The following TTC21A variants were observed in gnomAD, a reference collection of about 807,000 sequenced individuals.
TTC21A encodes the protein tetratricopeptide repeat domain 21A, also known as tetratricopeptide repeat protein 21A.
In TTC21A, 128 loss-of-function variants were observed where a neutral mutation model predicts 156.4. That is an observed-to-expected ratio of 0.82 (90% confidence interval 0.71 to 0.95). TTC21A has a LOEUF of 0.95. Ranked by LOEUF, TTC21A falls within the 40% of genes least tolerant of loss-of-function variation. The pLI, the probability that TTC21A is intolerant of heterozygous loss-of-function variation, is 0.00. For synonymous variants in TTC21A, 587 were observed against 617.1 expected (o/e 0.95, Z 0.72); for missense variants, 1,435 against 1,602.3 (o/e 0.90, Z 1.78).
rs2125880331 is a variant in TTC21A, at chr3:39,138,863, G to A, written c.*75G>A. 8.3e-7 allele frequency: 1 copy of A among 1,211,352 alleles called. No individual in the cohort carries two copies. Among genetic ancestry groups the A allele is most frequent in the East Asian group, 2.4e-5 (1 of 41,666 alleles). The allele number at this position is 1,211,352 out of a possible 1,614,324, so 75.0% of individuals were successfully genotyped here. A position where few individuals can be genotyped will look rare whatever the true frequency, so the allele number is the denominator to read the frequency against. On this transcript the variant is annotated 3_prime_UTR_variant, in exon 29 of 29. Coordinates refer to ENST00000683103, the MANE Select transcript of TTC21A (RefSeq NM_001366900.1). ...GTGTGGAGGGATGGAAAGTGGGTCA[G>A]TGGAGAAGGGATTCAGAAAATGACA... is the stretch of plus-strand genomic sequence containing the variant.
At chr3:39,108,191 T>C (rs2036410637) in intron 1 of TTC21A, 2 of 544,912 alleles carry the variant, frequency 3.7e-6, no homozygotes, top group African/African-American at 1.9e-5. Context: ...CTTCACCATT[T>C]AATCTCCTAG....
In TTC21A at chr3:39,130,158, G is replaced by T; in HGVS notation, c.2208+7G>T. ...CTTAATGAGCATTCTGGAGGTAAGT[G>T]AGAGGCCTCACAGCCTTGCCAAGTG... is the stretch of plus-strand genomic sequence containing the variant. On this transcript the variant is annotated splice_region_variant and intron_variant, in intron 16 of 28. Coordinates refer to ENST00000683103, the MANE Select transcript of TTC21A (RefSeq NM_001366900.1). The surrounding 1 kb of genome is among the most constrained non-coding windows in gnomAD (Gnocchi z 4.5). 1.9e-6 allele frequency: 3 copies of T among 1,613,794 alleles called. No individual in the cohort carries two copies. The East Asian group carries it at 6.7e-5, about 36-fold the overall frequency.
chr3:39,130,734 A>C lies in TTC21A; in HGVS notation c.2353A>C (p.Asn785His), dbSNP rs2038665109. Residue 785 changes from asparagine to histidine, a missense_variant, in exon 18 of 29, where the codon AAT (asparagine) becomes CAT (histidine). Physicochemically the swap from Asn to His is moderately conservative, Grantham distance 68. Transcript: ENST00000683103. The surrounding 1 kb of genome is among the most constrained non-coding windows in gnomAD (Gnocchi z 4.5). ...GTATTATGAGGCTGCCCAGAAGATT[A>C]ATGGACAGGACTTTCTGTGCTGCGA... Reference protein sequence around the residue: ...IEYYEAAQKINGQDFLCCDLG... With the variant: ...IEYYEAAQKIHGQDFLCCDLG... 2 of 1,614,222 alleles carry C rather than the reference A, an allele frequency of 1.2e-6. No homozygotes were observed. The highest frequency in any genetic ancestry group is 1.7e-6 in the Non-Finnish European group (2 of 1,180,038).
chr3:39,126,233 T>C (rs763345389), intron 11 of TTC21A, 28 bp from the exon 12 acceptor site: 4 of 1,613,570 alleles, frequency 2.5e-6, no homozygotes, highest in Non-Finnish European at 3.4e-6. Context: ...GCAAACCTAC[T>C]CCCACCTCCA....
rs1049526549 is a variant in TTC21A at position 39,126,321 on chromosome 3, C to T, written c.1453C>T (p.Pro485Ser). 24 of 1,613,986 alleles carry T rather than the reference C, an allele frequency of 1.5e-5. No homozygotes were observed. The highest frequency in any genetic ancestry group is 2.0e-5 in the Non-Finnish European group (24 of 1,180,020). Reference sequence around the variant, plus strand: ...TAAACAAGTCGCCGTGATCTTGAATCCTGTAGTCAAAGCAGCACCAGCTCT... The same window carrying T: ...TAAACAAGTCGCCGTGATCTTGAATTCTGTAGTCAAAGCAGCACCAGCTCT... The part of the protein sequence containing the change: ...LLKQVAVILN[P>S]VVKAAPALID... The change falls in exon 12 of 29, where the codon CCT becomes TCT. Residue 485 changes from proline to serine, a missense_variant. Physicochemically the swap from Pro to Ser is moderately conservative, Grantham distance 74 (BLOSUM62 -1). Coordinates refer to ENST00000683103, the MANE Select transcript of TTC21A (RefSeq NM_001366900.1).
Position 39,107,880 on chromosome 3 carries a change from G to A in TTC21A, c.27+16G>A, listed in dbSNP as rs767016164. On this transcript the variant is annotated intron_variant, in intron 1 of 28. Transcript: ENST00000683103. ...CTCCCTTATGGTGCGTGGCCCGGGC[G>A]CTGTCCGAGGGCTCCCTCGTGACTC... The A allele has an allele frequency of 6.2e-7, 1 of 1,612,070 alleles. No individual in the cohort carries two copies. Among genetic ancestry groups the A allele is most frequent in the Non-Finnish European group, 8.5e-7 (1 of 1,179,846 alleles).
chr3:39,115,660 C>A (rs566728819), intron 6 of TTC21A, among the ~76,000 whole-genome samples: 1 of 151,976 alleles, frequency 6.6e-6, no homozygotes, highest in African/African-American at 2.4e-5. Context: ...GAATGAGACC[C>A]TGTCTCGAAA....
At position 39,137,596 on chromosome 3, in the gene TTC21A, G is replaced by C. The variant is rs2039229513; in HGVS notation, c.3561G>C (p.Leu1187=). ...GCCTGGCCAAGACCCCCTGGGTGCT[G>C]AGTGAGGCTGAGGACCTGGAGAAGA... The part of the protein sequence containing the change: ...LKRLAKTPWV[L]SEAEDLEKSW... Residue 1187 remains leucine (L), a synonymous_variant, in exon 26 of 29, where the codon CTG becomes CTC. Coordinates refer to ENST00000683103, the MANE Select transcript of TTC21A (RefSeq NM_001366900.1). The C allele has an allele frequency of 2.5e-6, 4 of 1,614,254 alleles. No individual in the cohort carries two copies. Among genetic ancestry groups the C allele is most frequent in the Non-Finnish European group, 3.4e-6 (4 of 1,180,042 alleles).
At chr3:39,122,077 G>C (rs944607425) in intron 9 of TTC21A, among the ~76,000 whole-genome samples, 8 of 152,210 alleles carry the variant, frequency 5.3e-5, no homozygotes, top group Non-Finnish European at 1.0e-4. Flanking sequence ...GGGAGGCTGA[G>C]GTGGGCAGGT....
In TTC21A at chr3:39,121,190, G is replaced by T. The variant is rs769156838; in HGVS notation, c.1093+1G>T. The T allele has an allele frequency of 1.2e-6, 2 of 1,610,238 alleles. No individual in the cohort carries two copies. The highest frequency in any genetic ancestry group is 1.1e-5 in the South Asian group (1 of 90,584). ...AAGGATGGCATGGCTGGTTTGACAG[G>T]TATATGCAGGTGTGGCAGGGCTCAG... On this transcript the variant is annotated splice_donor_variant, in intron 9 of 28. Transcript: ENST00000683103. LOFTEE classifies it high-confidence loss of function.
Position 39,135,536 on chromosome 3 carries a change from C to A in TTC21A, c.2944+362C>A, listed in dbSNP as rs567491555. Among the ~76,000 whole-genome samples the A allele has an allele frequency of 3.3e-5, 5 of 152,318 alleles. No individual in the cohort carries two copies. In the South Asian group the frequency reaches 6.2e-4, roughly 19 times the overall value. Reference sequence around the variant, plus strand: ...CCCATTCACTGCAGCGTAAAACCACCCCTTATTGCTGGGGAAAGGGGCCAG... The same window carrying A: ...CCCATTCACTGCAGCGTAAAACCACACCTTATTGCTGGGGAAAGGGGCCAG... On this transcript the variant is annotated intron_variant, in intron 22 of 28. Transcript: ENST00000683103.
At chr3:39,133,934 G>A (rs1229892221) in intron 20 of TTC21A, among the ~76,000 whole-genome samples, 3 of 152,206 alleles carry the variant, frequency 2.0e-5, no homozygotes, top group African/African-American at 7.2e-5. Flanking sequence ...CTGCCCCAGA[G>A]TCTGGGGCAC....
chr3:39,133,032 G>C lies in TTC21A; in HGVS notation c.2563-20G>C, dbSNP rs781198522. ...TGTCAGGCTCTGAGTTTCTGATCCTGGCTTGATTGGTTTCTCGAGGCCTTG... is the reference window on the plus strand; with the variant it reads ...TGTCAGGCTCTGAGTTTCTGATCCTCGCTTGATTGGTTTCTCGAGGCCTTG... On this transcript the variant is annotated intron_variant, in intron 19 of 28. Coordinates refer to ENST00000683103, the MANE Select transcript of TTC21A (RefSeq NM_001366900.1). 2 of 1,613,500 alleles carry C rather than the reference G, an allele frequency of 1.2e-6. No homozygotes were observed. Among genetic ancestry groups the C allele is most frequent in the South Asian group, 1.1e-5 (1 of 91,022 alleles).
intron 4 of TTC21A, among the ~76,000 whole-genome samples, chr3:39,111,695 C>T (rs909373469): frequency 1.3e-5 from 2 of 152,140 alleles, no homozygotes; most frequent in Admixed American, 1.3e-4. Context: ...GATATATATA[C>T]AGTACACAAT....
chr3:39,129,104 C>T lies in TTC21A; in HGVS notation c.1929C>T (p.Ile643=). ...CCACCAAGGTCATGCAGGACACCATCAATGAGTTCGGTGGCACACCAGAAG... is the reference window on the plus strand; with the variant it reads ...CCACCAAGGTCATGCAGGACACCATTAATGAGTTCGGTGGCACACCAGAAG... ...HEATKVMQDT[I]NEFGGTPEEN... Residue 643 remains isoleucine, a synonymous_variant, in exon 15 of 29, where the codon ATC becomes ATT. Coordinates refer to ENST00000683103, the MANE Select transcript of TTC21A (RefSeq NM_001366900.1). 6.2e-7 allele frequency: 1 copy of T among 1,614,256 alleles called. No individual in the cohort carries two copies. Among genetic ancestry groups the T allele is most frequent in the Non-Finnish European group, 8.5e-7 (1 of 1,180,050 alleles).
intron 3 of TTC21A, 174 bp downstream of exon 3, chr3:39,110,313 G>C (rs990038019): frequency 1.5e-6 from 1 of 673,230 alleles, no homozygotes; most frequent in Non-Finnish European, 2.7e-6. Context: ...AGGCCTGGGA[G>C]AAGACTCCAT....
intron 6 of TTC21A, among the ~76,000 whole-genome samples, chr3:39,117,775 G>A (rs574575666): frequency 3.9e-5 from 6 of 152,296 alleles, no homozygotes; most frequent in Admixed American, 2.6e-4. Flanking sequence ...ACAGTAGGCA[G>A]GAGGAAAGGG....
In TTC21A at chr3:39,137,287, C is replaced by G. The variant is rs1313704683; in HGVS notation, c.3350C>G (p.Thr1117Ser). 6.2e-7 allele frequency: 1 copy of G among 1,614,188 alleles called. No individual in the cohort carries two copies. The highest frequency in any genetic ancestry group is 1.1e-5 in the South Asian group (1 of 91,082). ...EFYPHSDSSQTQLRLLQGLCR... is the reference protein window; with the variant it reads ...EFYPHSDSSQSQLRLLQGLCR... The stretch of plus-strand genomic sequence containing the variant: ...TACCCACATTCAGACTCCAGCCAGA[C>G]CCAGCTGCGGCTGCTGCAGGGCCTC... The change falls in exon 25 of 29, where the codon ACC becomes AGC. Residue 1117 changes from threonine (T) to serine (S), a missense_variant. By Grantham distance (58) the Thr-to-Ser change is moderately conservative. Transcript: ENST00000683103.
In TTC21A at chr3:39,126,308, C is replaced by T. The variant is rs757095137; in HGVS notation, c.1440C>T (p.Ala480=). The change falls in exon 12 of 29, where the codon GCC becomes GCT. Residue 480 remains alanine (A), a synonymous_variant. Coordinates refer to ENST00000683103, the MANE Select transcript of TTC21A (RefSeq NM_001366900.1). ...QIVSPLLKQV[A]VILNPVVKAA... ...TGTCTCCACTTCTTAAACAAGTCGC[C>T]GTGATCTTGAATCCTGTAGTCAAAG... 68 of 1,613,956 alleles carry T rather than the reference C, an allele frequency of 4.2e-5. No individual in the cohort carries two copies. The highest frequency in any genetic ancestry group is 5.3e-5 in the Non-Finnish European group (63 of 1,180,022).
Sources: allele counts gnomAD v4.1 joint callset (sites outside exome capture counted in the v4.1 genomes callset), GRCh38; gene constraint gnomAD v4.1.1; non-coding constraint Gnocchi (gnomAD v3.1); transcripts MANE v1.5; gene names NCBI Gene and HGNC (gene_info 2026-07-23, HGNC 2026-07-21).